Variants in DEF8 observed in about 807,000 individuals in gnomAD.
DEF8 encodes the protein DEF-8.
In DEF8, 38 loss-of-function variants were observed where a neutral mutation model predicts 59.1. The ratio of observed to expected loss-of-function variants is 0.64; its 90% CI spans 0.50 to 0.84. The LOEUF (loss-of-function observed/expected upper bound fraction) is 0.84. Among genes scored for constraint, DEF8 ranks in the 40% least tolerant of loss-of-function variants. The pLI is 0.00. For missense variants in DEF8, 557 were observed against 615.2 expected (o/e 0.91, Z 1.00); for synonymous variants, 265 against 250.1 (o/e 1.06, Z -0.56).
intron 5 of DEF8, chr16:89,958,359 A>T (rs894610965): frequency 1.9e-5 from 3 of 154,486 alleles, no homozygotes; most frequent in African/African-American, 7.2e-5. Context: ...CCACATGGAC[A>T]AGGACGGGTG....
At chr16:89,951,895 T>G (rs1357382926) in intron 2 of DEF8, among the ~76,000 whole-genome samples, 1 of 149,242 alleles carries the variant, frequency 6.7e-6, no homozygotes, top group East Asian at 1.9e-4. Context: ...TTTTTTTTTT[T>G]GATATGGAGT....
chr16:89,950,438 G>C lies in DEF8; in HGVS notation c.-11+925G>C, dbSNP rs2031806690. ...GAGTTTTGCTGTGTTGCCTAGGCTG[G>C]AGTGCAGTGGCACAATCTCGGCTCA... is the stretch of plus-strand genomic sequence containing the variant. On this transcript the variant is annotated intron_variant, in intron 2 of 12. Coordinates refer to ENST00000563594, the MANE Select transcript of DEF8 (RefSeq NM_001242818.2). 3 of 700,592 alleles carry C rather than the reference G, an allele frequency of 4.3e-6. No homozygotes were observed. In the African/African-American group the frequency reaches 5.9e-5, roughly 14 times the overall value. The allele number at this position is 700,592 out of a possible 1,614,324, so 43.4% of individuals were successfully genotyped here. A position where few individuals can be genotyped will look rare whatever the true frequency, so the allele number is the denominator to read the frequency against.
chr16:89,951,863 C>T (rs2032169618), intron 2 of DEF8, among the ~76,000 whole-genome samples: 1 of 151,022 alleles, frequency 6.6e-6, no homozygotes, highest in Admixed American at 6.6e-5. Flanking sequence ...CACACACATA[C>T]ATATTTATGT....
intron 4 of DEF8, among the ~76,000 whole-genome samples, chr16:89,955,515 G>T (rs994413237): frequency 4.6e-5 from 7 of 152,182 alleles, no homozygotes; most frequent in African/African-American, 1.7e-4. Flanking sequence ...GAGAGCCTGG[G>T]ATTGGGGTTC....
chr16:89,951,405 C>A (rs560030069), intron 2 of DEF8, among the ~76,000 whole-genome samples: 1 of 152,038 alleles, frequency 6.6e-6, no homozygotes, highest in Non-Finnish European at 1.5e-5. Flanking sequence ...CCACCACGCC[C>A]GGCTAATTTT....
chr16:89,956,076 GAA>G (rs11446223), intron 4 of DEF8, among the ~76,000 whole-genome samples: 2 of 149,902 alleles, frequency 1.3e-5, no homozygotes, highest in East Asian at 4.0e-4. Context: ...CCGTCTCAAA[GAA>G]AAAAAAAGTT....
chr16:89,953,857 G>A (rs1209696654), intron 2 of DEF8, among the ~76,000 whole-genome samples: 2 of 152,208 alleles, frequency 1.3e-5, no homozygotes, highest in Admixed American at 6.5e-5. Flanking sequence ...AAGCTAGAGC[G>A]GGGCTGAGTG....
At chr16:89,960,549 A>G (rs892734235) in intron 6 of DEF8, among the ~76,000 whole-genome samples, 5 of 150,488 alleles carry the variant, frequency 3.3e-5, no homozygotes, top group Non-Finnish European at 7.4e-5. Context: ...ACAGAGAGAG[A>G]GAAACCCTTC....
At chr16:89,950,205 T>G (rs1368929941) in intron 2 of DEF8, 1 of 986,186 alleles carries the variant, frequency 1.0e-6, no homozygotes, top group African/African-American at 1.7e-5. Flanking sequence ...GCGTAGCTCC[T>G]GCACCTTTTT....
intron 6 of DEF8, 63 bp downstream of exon 6, chr16:89,959,218 G>C: frequency 2.5e-6 from 4 of 1,607,710 alleles, no homozygotes; most frequent in South Asian, 1.1e-5. Flanking sequence ...CCTCCGCTGG[G>C]CTCACATTCA....
chr16:89,952,120 G>A (rs1033865587), intron 2 of DEF8, among the ~76,000 whole-genome samples: 6 of 152,132 alleles, frequency 3.9e-5, no homozygotes, highest in Admixed American at 1.3e-4. Context: ...CTGGTGATCC[G>A]CCCGCCTCGG....
In DEF8 at chr16:89,955,157, G is replaced by A. The variant is rs140183905; in HGVS notation, c.125-12G>A. The A allele has an allele frequency of 5.9e-4, 956 of 1,608,712 alleles. 6 individuals carry two copies. Among genetic ancestry groups the A allele is most frequent in the African/African-American group, 3.6e-3 (270 of 74,912 alleles). ...CAGCTGACGCTCCACACCTGTCCCC[G>A]TCTTCCTCCAGAGGCCCTGCCTGAG... On this transcript the variant is annotated splice_polypyrimidine_tract_variant and intron_variant, in intron 3 of 12. Transcript: ENST00000563594.
At position 89,954,309 on chromosome 16, in the gene DEF8, C is replaced by T; in HGVS notation, c.57C>T (p.Asn19=). The T allele has an allele frequency of 6.2e-7, 1 of 1,613,766 alleles. No individual in the cohort carries two copies. Among genetic ancestry groups the T allele is most frequent in the Non-Finnish European group, 8.5e-7 (1 of 1,179,962 alleles). ...GGCAGGCCCACCTCAACCCCTTCAA[C>T]AAGCAGTCTGGGCCGAGACAGCATG... ...RFRQAHLNPF[N]KQSGPRQHEQ... is the part of the protein sequence containing the mutation. The change falls in exon 3 of 13, where the codon AAC becomes AAT. Residue 19 remains asparagine (N), a synonymous_variant. Coordinates refer to ENST00000563594, the MANE Select transcript of DEF8 (RefSeq NM_001242818.2). This position sits in a 1 kb window ranked among gnomAD's most constrained non-coding sequence, Gnocchi z 4.3.
rs1373206193 is a variant in DEF8 at position 89,954,205 on chromosome 16, G to T, written c.-10-38G>T. On this transcript the variant is annotated intron_variant, in intron 2 of 12. Transcript: ENST00000563594. The surrounding 1 kb of genome is among the most constrained non-coding windows in gnomAD (Gnocchi z 4.3). ...AAGGGGGTGGTCCGTGGTGAGCCTG[G>T]TACCTGGGGACTCATCCTGGCCCTG... The T allele has an allele frequency of 1.2e-6, 2 of 1,602,770 alleles. No individual in the cohort carries two copies. Among genetic ancestry groups the T allele is most frequent in the Non-Finnish European group, 1.7e-6 (2 of 1,175,088 alleles).
intron 6 of DEF8, 108 bp downstream of exon 6, chr16:89,959,263 A>G (rs1397782748): frequency 6.4e-7 from 1 of 1,560,264 alleles, no homozygotes. Context: ...CCACTAGCCA[A>G]ACATGGCCAG....
intron 9 of DEF8, among the ~76,000 whole-genome samples, chr16:89,962,366 A>G (rs2034136784): frequency 6.6e-6 from 1 of 152,212 alleles, no homozygotes; most frequent in Non-Finnish European, 1.5e-5. Flanking sequence ...GCCACGTTAA[A>G]AAAGTAAAAA....
At chr16:89,950,599 A>C (rs1406050337) in intron 2 of DEF8, among the ~76,000 whole-genome samples, 1 of 152,142 alleles carries the variant, frequency 6.6e-6, no homozygotes, top group African/African-American at 2.4e-5. Context: ...CATGTTGGTC[A>C]GGCTGGTTTG....
At chr16:89,950,808 C>T (rs955187549) in intron 2 of DEF8, among the ~76,000 whole-genome samples, 7 of 151,938 alleles carry the variant, frequency 4.6e-5, no homozygotes, top group African/African-American at 1.7e-4. Flanking sequence ...AGTGAGACTC[C>T]GTCTCTACAA....
At position 89,966,133 on chromosome 16, in the gene DEF8, G is replaced by C. The variant is rs1233330207; in HGVS notation, c.*170G>C. On this transcript the variant is annotated 3_prime_UTR_variant, in exon 13 of 13. Transcript: ENST00000563594. Reference sequence around the variant, plus strand: ...AAGGCCCGCTGTCTCCCAGGTGCTTGCTGGGACTCGGGGCGGCTGCACCTG... The same window carrying C: ...AAGGCCCGCTGTCTCCCAGGTGCTTCCTGGGACTCGGGGCGGCTGCACCTG... 2 of 559,670 alleles carry C rather than the reference G, an allele frequency of 3.6e-6. No homozygotes were observed. Among genetic ancestry groups the C allele is most frequent in the Non-Finnish European group, 6.4e-6 (2 of 312,522 alleles). The allele number at this position is 559,670 out of a possible 1,614,324, so 34.7% of individuals were successfully genotyped here.
Sources: gnomAD v4.1 joint callset for allele counts (sites outside exome capture counted in the v4.1 genomes callset) on GRCh38, gnomAD v4.1.1 for gene constraint, Gnocchi (gnomAD v3.1) non-coding constraint, MANE v1.5 for transcripts, NCBI Gene and HGNC (gene_info 2026-07-23, HGNC 2026-07-21) for gene names.